Variants in PDHA1 observed in about 807,000 individuals in gnomAD.
The protein encoded by PDHA1 is pyruvate dehydrogenase E1 subunit alpha 1, also known as pyruvate dehydrogenase E1 component subunit alpha, somatic form, mitochondrial.
Under a neutral mutation model 33.0 loss-of-function variants are expected in PDHA1, and 1 was observed. The ratio of observed to expected loss-of-function variants is 0.03; its 90% CI spans 0.01 to 0.14. The LOEUF is 0.14. Among genes scored for constraint, PDHA1 ranks in the 10% least tolerant of loss-of-function variants. The pLI is 1.00. For synonymous variants in PDHA1, 123 were observed against 119.2 expected (o/e 1.03, Z -0.21); for missense variants, 168 against 325.1 (o/e 0.52, Z 3.72).
intron 6 of PDHA1, 159 bp from the exon 7 acceptor site, chrX:19,355,190 C>A: frequency 6.8e-6 from 4 of 587,287 alleles, no homozygotes; most frequent in Non-Finnish European, 1.2e-5. Context: ...TCCTCCACCA[C>A]CCACCCCGCT....
At chrX:19,357,580 G>A (rs771842305) in intron 8 of PDHA1, 72 bp from the exon 9 acceptor site, 14 of 845,569 alleles carry the variant, frequency 1.7e-5, no homozygotes, top group African/African-American at 4.0e-5. Context: ...CTGCGTTTGA[G>A]GCCGTGGATT....
At chrX:19,346,394 C>T in intron 1 of PDHA1, 2 of 314,129 alleles carry the variant, frequency 6.4e-6, no homozygotes, top group East Asian at 4.6e-5. Flanking sequence ...CAGCTCACTG[C>T]AGCCTTAGCC....
chrX:19,360,945 TGG>T lies in PDHA1; in HGVS notation c.*1293_*1294del. 3.7e-6 allele frequency: 2 copies of T among 540,492 alleles called. No individual in the cohort carries two copies. Among genetic ancestry groups the T allele is most frequent in the Non-Finnish European group, 5.9e-6 (2 of 337,051 alleles). 44.5% of individuals were successfully genotyped at this position (540,492 alleles called of 1,213,427 possible). ...AAAATAAAAACATTCTCCTCACATA[TGG>T]AGGTGACGCTCGTGTCCCAGCAGTA... On this transcript the variant is annotated 3_prime_UTR_variant, in exon 11 of 11. Coordinates refer to ENST00000422285, the MANE Select transcript of PDHA1 (RefSeq NM_000284.4).
At position 19,359,755 on chromosome X, in the gene PDHA1, C is replaced by A; in HGVS notation, c.*102C>A. On this transcript the variant is annotated 3_prime_UTR_variant, in exon 11 of 11. Transcript: ENST00000422285. ...CCAGTCAATGAAATTCAATGAAATT[C>A]TTGGAAACTTCCATTAAGTGTGTAG... 2 of 785,527 alleles carry A rather than the reference C, an allele frequency of 2.5e-6. No homozygotes were observed. The highest frequency in any genetic ancestry group is 3.2e-5 in the East Asian group (1 of 31,037). The allele number at this position is 785,527 out of a possible 1,213,427, so 64.7% of individuals were successfully genotyped here. A position where few individuals can be genotyped will look rare whatever the true frequency, so the allele number is the denominator to read the frequency against.
chrX:19,357,543 G>T, intron 8 of PDHA1, 109 bp from the exon 9 acceptor site: 1 of 608,656 alleles, frequency 1.6e-6, no homozygotes, highest in South Asian at 2.2e-5. Flanking sequence ...GATCTGATAA[G>T]ACTACACTGG....
Position 19,357,273 on chromosome X carries a change from T to TTTGA in PDHA1, c.832-377_832-374dup, listed in dbSNP as rs763527920. On this transcript the variant is annotated intron_variant, in intron 8 of 10. Transcript: ENST00000422285. Reference sequence around the variant, plus strand: ...CCATGCCTGGCTAATTTTTGTATTTTTTGATAGAGATGGGGTTTTGCCATG... The same window carrying TTTGA: ...CCATGCCTGGCTAATTTTTGTATTTTTTGATTGATAGAGATGGGGTTTTGCCATG... The TTTGA allele has an allele frequency of 2.7e-3, 594 of 223,869 alleles. 1 individual carries two copies. Among genetic ancestry groups the TTTGA allele is most frequent in the African/African-American group, 0.016 (538 of 34,388 alleles). 18.4% of individuals were successfully genotyped at this position (223,869 alleles called of 1,213,427 possible). A position where few individuals can be genotyped will look rare whatever the true frequency, so the allele number is the denominator to read the frequency against.
intron 4 of PDHA1, among the ~76,000 whole-genome samples, chrX:19,351,771 C>T (rs1367217101): frequency 8.5e-5 from 9 of 106,093 alleles, no homozygotes; most frequent in African/African-American, 1.4e-4. Context: ...CTTTGTCCCC[C>T]GTGACTATTT....
chrX:19,358,432 G>A (rs777995172), intron 9 of PDHA1, among the ~76,000 whole-genome samples: 13 of 111,579 alleles, frequency 1.2e-4, no homozygotes, highest in Non-Finnish European at 1.9e-4. Flanking sequence ...TTCTTTAGGG[G>A]GACTTAAGGG....
At position 19,359,995 on chromosome X, in the gene PDHA1, A is replaced by G. The variant is rs1398614661; in HGVS notation, c.*342A>G. 5 of 286,422 alleles carry G rather than the reference A, an allele frequency of 1.7e-5. No homozygotes were observed. The highest frequency in any genetic ancestry group is 3.2e-5 in the Non-Finnish European group (5 of 158,529). 23.6% of individuals were successfully genotyped at this position (286,422 alleles called of 1,213,427 possible). On this transcript the variant is annotated 3_prime_UTR_variant, in exon 11 of 11. Transcript: ENST00000422285. ...ATGGCGGGGCCCCTCACAGCATTCT[A>G]CCAACCATAGCACCCACCCCGAGCA... is the stretch of plus-strand genomic sequence containing the variant.
At chrX:19,354,033 A>AC (rs1244325224) in intron 5 of PDHA1, among the ~76,000 whole-genome samples, 1 of 110,680 alleles carries the variant, frequency 9.0e-6, no homozygotes, top group Non-Finnish European at 1.9e-5. Flanking sequence ...TGCAACCTCC[A>AC]CCCCCGGGTT....
intron 8 of PDHA1, among the ~76,000 whole-genome samples, chrX:19,356,087 T>C (rs768977812): frequency 6.3e-5 from 7 of 111,202 alleles, no homozygotes; most frequent in African/African-American, 2.3e-4. Context: ...AAGGAACAGA[T>C]TGGGGATCCC....
rs1242132754 is a variant in PDHA1, at chrX:19,343,960, C to T, written c.-78C>T. The T allele has an allele frequency of 1.2e-5, 11 of 953,667 alleles. No individual in the cohort carries two copies. Among genetic ancestry groups the T allele is most frequent in the East Asian group, 9.3e-5 (3 of 32,325 alleles). The allele number at this position is 953,667 out of a possible 1,213,427, so 78.6% of individuals were successfully genotyped here. A position where few individuals can be genotyped will look rare whatever the true frequency, so the allele number is the denominator to read the frequency against. ...TGAGGCGTGGCGTCTGCTGGGGCAC[C>T]TGAAGGAGACTTGGGGGCACCCGCG... On this transcript the variant is annotated 5_prime_UTR_variant, in exon 1 of 11. Transcript: ENST00000422285.
intron 6 of PDHA1, among the ~76,000 whole-genome samples, 193 bp from the exon 7 acceptor site, chrX:19,355,156 C>G (rs1156568331): frequency 8.9e-6 from 1 of 111,819 alleles, no homozygotes; most frequent in East Asian, 2.8e-4. Flanking sequence ...TCCTTAGTTG[C>G]AAGAGTATGA....
intron 10 of PDHA1, 127 bp from the exon 11 acceptor site, chrX:19,359,362 C>CTGAATTAGCAACTGT (rs2147188552): frequency 1.8e-6 from 1 of 568,134 alleles, no homozygotes; most frequent in East Asian, 3.3e-5. Flanking sequence ...CCAAAATCTT[C>CTGAATTAGCAACTGT]TGAATTAGCA....
rs1430695116 is a variant in PDHA1 at position 19,361,152 on chromosome X, C to G, written c.*1499C>G. 7 of 432,665 alleles carry G rather than the reference C, an allele frequency of 1.6e-5. No homozygotes were observed. Among genetic ancestry groups the G allele is most frequent in the Non-Finnish European group, 2.4e-5 (6 of 252,928 alleles). The allele number at this position is 432,665 out of a possible 1,213,427, so 35.7% of individuals were successfully genotyped here. On this transcript the variant is annotated 3_prime_UTR_variant, in exon 11 of 11. Transcript: ENST00000422285. ...TGGCAGGAGATTGGCCAGCTCTTCT[C>G]TGTCACATTCCTATTTCTGACTTCT...
At position 19,343,970 on chromosome X, in the gene PDHA1, C is replaced by T. The variant is rs1236399519; in HGVS notation, c.-68C>T. On this transcript the variant is annotated 5_prime_UTR_variant, in exon 1 of 11. Transcript: ENST00000422285. ...CGTCTGCTGGGGCACCTGAAGGAGA[C>T]TTGGGGGCACCCGCGTCGTGCCTCC... 1.0e-5 allele frequency: 11 copies of T among 1,048,260 alleles called. No individual in the cohort carries two copies. The highest frequency in any genetic ancestry group is 4.5e-5 in the Admixed American group (2 of 44,354). 86.4% of individuals were successfully genotyped at this position (1,048,260 alleles called of 1,213,427 possible).
In PDHA1 at chrX:19,361,332, C is replaced by A; in HGVS notation, c.*1679C>A. 4.2e-6 allele frequency: 5 copies of A among 1,189,361 alleles called. No homozygotes were observed. Among genetic ancestry groups the A allele is most frequent in the Non-Finnish European group, 5.7e-6 (5 of 877,158 alleles). On this transcript the variant is annotated 3_prime_UTR_variant, in exon 11 of 11. Coordinates refer to ENST00000422285, the MANE Select transcript of PDHA1 (RefSeq NM_000284.4). ...TTCTCTTATACAAACTGTTTTGAGG[C>A]TCTTACCGTAGTCGAAGGTATCTTA...
At chrX:19,355,906 G>A (rs1373700986) in intron 8 of PDHA1, 149 bp downstream of exon 8, 7 of 509,350 alleles carry the variant, frequency 1.4e-5, no homozygotes, top group Non-Finnish European at 2.1e-5. Flanking sequence ...GCTCCTTTGG[G>A]TAGCTTGGTC....
At position 19,360,955 on chromosome X, in the gene PDHA1, G is replaced by A. The variant is rs995720508; in HGVS notation, c.*1302G>A. The A allele has an allele frequency of 1.4e-4, 72 of 501,598 alleles. No homozygotes were observed. The highest frequency in any genetic ancestry group is 2.2e-4 in the Non-Finnish European group (69 of 307,302). The allele number at this position is 501,598 out of a possible 1,213,427, so 41.3% of individuals were successfully genotyped here. ...CATTCTCCTCACATATGGAGGTGAC[G>A]CTCGTGTCCCAGCAGTAGTAGGACA... is the stretch of plus-strand genomic sequence containing the variant. On this transcript the variant is annotated 3_prime_UTR_variant, in exon 11 of 11. Transcript: ENST00000422285.
Sources: gnomAD v4.1 joint callset for allele counts (sites outside exome capture counted in the v4.1 genomes callset) on GRCh38, gnomAD v4.1.1 for gene constraint, MANE v1.5 for transcripts, NCBI Gene and HGNC (gene_info 2026-07-23, HGNC 2026-07-21) for gene names.